The following CMTM8 variants were observed in gnomAD, a reference collection of about 807,000 sequenced individuals.
The protein encoded by CMTM8 is CKLF-like MARVEL transmembrane domain-containing protein 8.
In CMTM8, 12 loss-of-function variants were observed where a neutral mutation model predicts 18.6. The observed-to-expected ratio is 0.65, with a 90% CI of 0.41 to 1.05. The LOEUF is 1.05. Ranked by LOEUF, CMTM8 falls within the 50% of genes least tolerant of loss-of-function variation. The probability of loss-of-function intolerance (pLI) is 0.00; values close to 1 mark genes in which losing one functional copy is unlikely to be tolerated. For synonymous variants in CMTM8, 87 were observed against 90.6 expected, an observed-to-expected ratio of 0.96 and a Z score of 0.23; for missense variants, 217 against 227.2, an observed-to-expected ratio of 0.95 and a Z score of 0.29.
chr3:32,243,254 G>T (rs979233846), intron 1 of CMTM8, among the ~76,000 whole-genome samples: 2 of 151,900 alleles, frequency 1.3e-5, no homozygotes, highest in Admixed American at 1.3e-4. Flanking sequence ...TTGTTGGTCA[G>T]GCGTGGTGGT....
chr3:32,355,343 A>C (rs543047079), intron 1 of CMTM8, among the ~76,000 whole-genome samples: 1 of 152,358 alleles, frequency 6.6e-6, no homozygotes, highest in East Asian at 1.9e-4. Flanking sequence ...CCAACAGAAC[A>C]AGTCCAACCC....
At chr3:32,290,170 C>T (rs534675404) in intron 1 of CMTM8, among the ~76,000 whole-genome samples, 10 of 152,174 alleles carry the variant, frequency 6.6e-5, no homozygotes, top group African/African-American at 1.4e-4. Context: ...ATATTATCTA[C>T]GACAAAAATC....
intron 1 of CMTM8, among the ~76,000 whole-genome samples, chr3:32,328,370 CAAAAAAAAAAAAA>C (rs796201249): frequency 5.3e-5 from 4 of 74,790 alleles, no homozygotes; most frequent in Non-Finnish European, 9.8e-5. Context: ...ACCCTGTCTC[CAAAAAAAAAAAAA>C]AAAAAAAAAA....
Position 32,362,046 on chromosome 3 carries a change from C to CTTTTTTTTTTTTTTTTTTT in CMTM8, c.321+4511_321+4512insTTTTTTTTTTTTTTTTTTT, listed in dbSNP as rs60064096. Among the ~76,000 whole-genome samples the CTTTTTTTTTTTTTTTTTTT allele has an allele frequency of 2.2e-4, 20 of 92,064 alleles. 2 individuals carry two copies. The highest frequency in any genetic ancestry group is 4.1e-4 in the South Asian group (1 of 2,464). 60.4% of individuals were successfully genotyped at this position (92,064 alleles called of 152,430 possible). A position where few individuals can be genotyped will look rare whatever the true frequency, so the allele number is the denominator to read the frequency against. ...GTTAAAGCAGCTACTATTTTCTTTT[C>CTTTTTTTTTTTTTTTTTTT]TTTTTTTTTTTGGAGATGGAGTCTT... On this transcript the variant is annotated intron_variant, in intron 2 of 3. Transcript: ENST00000307526.
chr3:32,337,499 A>G (rs138929701), intron 1 of CMTM8, among the ~76,000 whole-genome samples: 14 of 152,288 alleles, frequency 9.2e-5, no homozygotes, highest in African/African-American at 3.4e-4. Flanking sequence ...CCATGATCCA[A>G]GTGTTTTTCT....
chr3:32,277,894 T>C (rs561593114), intron 1 of CMTM8, among the ~76,000 whole-genome samples: 1 of 152,148 alleles, frequency 6.6e-6, no homozygotes, highest in Admixed American at 6.6e-5. Context: ...CATGTAAGAG[T>C]GTTGGTCAAG....
chr3:32,364,744 A>G (rs1372125266), intron 2 of CMTM8, among the ~76,000 whole-genome samples: 1 of 152,154 alleles, frequency 6.6e-6, no homozygotes, highest in East Asian at 1.9e-4. Context: ...GATGCCTGAA[A>G]ATCTTGCCTT....
At chr3:32,282,411 T>C (rs1261844832) in intron 1 of CMTM8, among the ~76,000 whole-genome samples, 1 of 152,192 alleles carries the variant, frequency 6.6e-6, no homozygotes, top group Non-Finnish European at 1.5e-5. Flanking sequence ...ATTTGAATAT[T>C]GACTGGATAT....
chr3:32,264,425 G>T (rs1039729198), intron 1 of CMTM8, among the ~76,000 whole-genome samples: 54 of 152,228 alleles, frequency 3.5e-4, no homozygotes, highest in African/African-American at 1.3e-3. Flanking sequence ...TCACCACTAG[G>T]CCTGCCCTAC....
At chr3:32,241,626 C>T (rs904275679) in intron 1 of CMTM8, among the ~76,000 whole-genome samples, 3 of 152,118 alleles carry the variant, frequency 2.0e-5, no homozygotes, top group South Asian at 2.1e-4. Context: ...GTTTGGTAGG[C>T]TAGGGGTATT....
chr3:32,368,577 C>T (rs1697091252), intron 3 of CMTM8, among the ~76,000 whole-genome samples: 1 of 151,646 alleles, frequency 6.6e-6, no homozygotes, highest in African/African-American at 2.4e-5. Context: ...CCTCCTACCT[C>T]AGCCTCCTGA....
At chr3:32,363,043 A>G (rs1696966905) in intron 2 of CMTM8, among the ~76,000 whole-genome samples, 2 of 152,250 alleles carry the variant, frequency 1.3e-5, no homozygotes, top group Admixed American at 1.3e-4. Flanking sequence ...TGTATACTTT[A>G]TAGTTTACAC....
At chr3:32,356,219 A>G (rs1405097866) in intron 1 of CMTM8, among the ~76,000 whole-genome samples, 2 of 152,196 alleles carry the variant, frequency 1.3e-5, no homozygotes, top group Non-Finnish European at 2.9e-5. Context: ...ATATACCACA[A>G]AGAAAGCTAA....
At chr3:32,285,737 G>A (rs931775149) in intron 1 of CMTM8, among the ~76,000 whole-genome samples, 1 of 152,084 alleles carries the variant, frequency 6.6e-6, no homozygotes, top group Non-Finnish European at 1.5e-5. Flanking sequence ...ACAGAGTTGT[G>A]TTGAATCCCC....
chr3:32,273,129 A>ATGTGTGAGTG (rs1553603066), intron 1 of CMTM8, among the ~76,000 whole-genome samples: 1 of 142,930 alleles, frequency 7.0e-6, no homozygotes, highest in African/African-American at 2.6e-5. Context: ...ATTGGAACAA[A>ATGTGTGAGTG]TGTGTGTGTG....
At chr3:32,280,834 A>G (rs1419941010) in intron 1 of CMTM8, among the ~76,000 whole-genome samples, 1 of 128,926 alleles carries the variant, frequency 7.8e-6, no homozygotes, top group East Asian at 2.3e-4. Flanking sequence ...CTCCAACACG[A>G]GAGAAAATAG....
At chr3:32,344,258 AG>A (rs990468583) in intron 1 of CMTM8, among the ~76,000 whole-genome samples, 4 of 152,248 alleles carry the variant, frequency 2.6e-5, no homozygotes, top group African/African-American at 9.6e-5. Flanking sequence ...GAGCTAAGCC[AG>A]CTGGGAACAG....
intron 1 of CMTM8, among the ~76,000 whole-genome samples, chr3:32,307,107 C>T (rs1240238111): frequency 3.4e-5 from 5 of 147,112 alleles, no homozygotes; most frequent in Non-Finnish European, 4.5e-5. Context: ...TTTGGGAGGC[C>T]GAGGTAGGTG....
intron 2 of CMTM8, among the ~76,000 whole-genome samples, chr3:32,362,069 C>T (rs1213110061): frequency 0.03 from 460 of 15,402 alleles, no homozygotes; most frequent in East Asian, 0.044. Flanking sequence ...GAGATGGAGT[C>T]TTACTTTATT....
Sources: gnomAD v4.1 joint callset for allele counts (sites outside exome capture counted in the v4.1 genomes callset) on GRCh38, gnomAD v4.1.1 for gene constraint, MANE v1.5 for transcripts, NCBI Gene and HGNC (gene_info 2026-07-23, HGNC 2026-07-21) for gene names.